Variants in NGEF observed in about 807,000 individuals in gnomAD.
NGEF encodes the protein neuronal guanine nucleotide exchange factor, also known as ephexin-1.
NGEF carries 31 observed loss-of-function variants against 80.9 expected under a neutral mutation model. The ratio of observed to expected loss-of-function variants is 0.38; its 90% CI spans 0.29 to 0.52. The LOEUF (loss-of-function observed/expected upper bound fraction) is 0.52, where lower values mean the gene tolerates loss of function less well. Among genes scored for constraint, NGEF ranks in the 20% least tolerant of loss-of-function variants. The pLI is 0.84. For synonymous variants in NGEF, 371 were observed against 370.2 expected (o/e 1.00, Z -0.03); for missense variants, 709 against 926.2 (o/e 0.77, Z 3.04).
intron 1 of NGEF, among the ~76,000 whole-genome samples, chr2:232,977,199 G>A (rs925615784): frequency 2.0e-5 from 3 of 152,106 alleles, no homozygotes; most frequent in African/African-American, 4.8e-5. Flanking sequence ...CCAGATGAAC[G>A]GGGACCCCTG....
chr2:232,981,129 G>A (rs1044015140), intron 1 of NGEF, among the ~76,000 whole-genome samples: 11 of 135,254 alleles, frequency 8.1e-5, no homozygotes, highest in Non-Finnish European at 1.6e-4. Flanking sequence ...CTCCTCCCCA[G>A]GGCCGAGGGC....
chr2:232,894,696 G>A, intron 6 of NGEF, 60 bp downstream of exon 6: 1 of 1,443,428 alleles, frequency 6.9e-7, no homozygotes, highest in African/African-American at 1.4e-5. Context: ...AGTGTCTCAA[G>A]CATGTGCCCT....
intron 3 of NGEF, among the ~76,000 whole-genome samples, chr2:232,928,549 C>G (rs1246592541): frequency 7.2e-5 from 11 of 152,138 alleles, no homozygotes; most frequent in Non-Finnish European, 1.2e-4. Flanking sequence ...GCGACCCGCT[C>G]TGAAGCTCCG....
intron 2 of NGEF, 63 bp downstream of exon 2, chr2:232,974,560 T>G: frequency 6.4e-7 from 1 of 1,552,828 alleles, no homozygotes; most frequent in Non-Finnish European, 8.7e-7. Flanking sequence ...TGAGGACCTT[T>G]CAGCACTGAT....
chr2:232,911,210 C>CAT (rs201249987), intron 5 of NGEF, among the ~76,000 whole-genome samples: 2,251 of 152,226 alleles, frequency 0.015, 28 homozygotes, highest in Non-Finnish European at 0.022. Flanking sequence ...AATGTTTTTG[C>CAT]ATATATATAT....
At chr2:232,954,381 T>C (rs4973585) in intron 3 of NGEF, among the ~76,000 whole-genome samples, 62,549 of 151,844 alleles carry the variant, frequency 0.41, 15,204 homozygotes, top group Non-Finnish European at 0.53. Context: ...TGCCAGAAAA[T>C]GACATTTTAA....
rs202011182 is a variant in NGEF at position 232,936,876 on chromosome 2, AC to A, written c.384-9691del. ...ATTGAAACTGAGGGTGAATTTGGGC[AC>A]CCCCAAACTCTGCCGTTCATGTCAA... On this transcript the variant is annotated intron_variant, in intron 3 of 14. Coordinates refer to ENST00000264051, the MANE Select transcript of NGEF (RefSeq NM_019850.3). Among the ~76,000 whole-genome samples, 695 of 152,058 alleles carry A rather than the reference AC, an allele frequency of 4.6e-3. 3 individuals are homozygous for A. Among genetic ancestry groups the A allele is most frequent in the African/African-American group, 0.016 (661 of 41,470 alleles).
intron 3 of NGEF, among the ~76,000 whole-genome samples, chr2:232,963,016 G>A (rs369123168): frequency 1.1e-4 from 17 of 151,880 alleles, no homozygotes; most frequent in African/African-American, 3.4e-4. Context: ...TGAAATTCTA[G>A]CTGAATTTTT....
chr2:232,922,901 CTCTACTAA>C (rs1692974605), intron 4 of NGEF, among the ~76,000 whole-genome samples: 1 of 152,160 alleles, frequency 6.6e-6, no homozygotes, highest in African/African-American at 2.4e-5. Flanking sequence ...CAAACTCCGT[CTCTACTAA>C]AAATACAAAA....
rs981131916 is a variant in NGEF, at chr2:232,977,923, CT to C, written c.-74-2960del. On this transcript the variant is annotated intron_variant, in intron 1 of 14. Transcript: ENST00000264051. ...AGCAGCGGACAAGGGAGCTGGCCCC[CT>C]GTTTGTTGTGGGCCTGGGTGCCTGG... 2.6e-4 allele frequency among the ~76,000 whole-genome samples: 40 copies of C among 152,148 alleles called. 1 individual carries two copies. Among genetic ancestry groups the C allele is most frequent in the Non-Finnish European group, 1.3e-4 (9 of 68,026 alleles).
chr2:232,982,475 G>C (rs1341570827), intron 1 of NGEF, among the ~76,000 whole-genome samples: 1 of 152,146 alleles, frequency 6.6e-6, no homozygotes, highest in Non-Finnish European at 1.5e-5. Context: ...TCCTTGAATT[G>C]GTACGTTAGC....
chr2:232,911,340 A>G (rs779099373), intron 5 of NGEF, among the ~76,000 whole-genome samples: 1 of 151,890 alleles, frequency 6.6e-6, no homozygotes. Context: ...TTATTTCTGA[A>G]TTTTCTTTTC....
At chr2:233,000,979 G>A (rs577071896) in intron 1 of NGEF, among the ~76,000 whole-genome samples, 36 of 152,252 alleles carry the variant, frequency 2.4e-4, no homozygotes, top group African/African-American at 7.9e-4. Context: ...AACCAGTGTT[G>A]TACCAGAGGC....
intron 1 of NGEF, among the ~76,000 whole-genome samples, chr2:232,984,055 C>G (rs555751983): frequency 6.6e-6 from 1 of 152,298 alleles, no homozygotes; most frequent in African/African-American, 2.4e-5. Context: ...ATGTGAAGAG[C>G]ATGCGCTTTC....
At chr2:232,923,255 A>G (rs1159801169) in intron 4 of NGEF, among the ~76,000 whole-genome samples, 2 of 152,174 alleles carry the variant, frequency 1.3e-5, no homozygotes, top group African/African-American at 4.8e-5. Context: ...CTGAAAAGAG[A>G]CAAAAATATC....
intron 3 of NGEF, among the ~76,000 whole-genome samples, chr2:232,939,128 A>C (rs2106295140): frequency 7.1e-6 from 1 of 141,638 alleles, no homozygotes; most frequent in South Asian, 2.5e-4. Flanking sequence ...CAGTGAGCCG[A>C]GATTGCGCCA....
In NGEF at chr2:232,879,648, C is replaced by T. The variant is rs767517380; in HGVS notation, c.1974G>A (p.Gln658=). 1 of 1,613,258 alleles carries T rather than the reference C, an allele frequency of 6.2e-7. No individual in the cohort carries two copies. The highest frequency in any genetic ancestry group is 1.7e-5 in the Admixed American group (1 of 60,026). The change falls in exon 15 of 15, where the codon CAG becomes CAA. Residue 658 remains glutamine, a synonymous_variant. Transcript: ENST00000264051. ...TGGAGCTGGGGAACCAGCCTCTCTC[C>T]TGGTCGTGCAGACGCTCGCCAAAGA... ...GWIFGERLHD[Q]ERGWFPSSMT...
intron 1 of NGEF, among the ~76,000 whole-genome samples, chr2:232,976,282 G>A (rs1392585398): frequency 1.3e-5 from 2 of 152,120 alleles, no homozygotes; most frequent in African/African-American, 2.4e-5. Flanking sequence ...CATCAGGAGT[G>A]TTTGTCTGTG....
At chr2:232,993,107 A>C (rs1312909217) in intron 1 of NGEF, among the ~76,000 whole-genome samples, 4 of 18,014 alleles carry the variant, frequency 2.2e-4, no homozygotes, top group African/African-American at 2.1e-4. Context: ...AAATAAATAA[A>C]TATATATATA....
Sources: allele counts gnomAD v4.1 joint callset (sites outside exome capture counted in the v4.1 genomes callset), GRCh38; gene constraint gnomAD v4.1.1; transcripts MANE v1.5; gene names NCBI Gene and HGNC (gene_info 2026-07-23, HGNC 2026-07-21).